Variants in FARS2 observed in about 807,000 individuals in gnomAD.
FARS2 encodes the protein phenylalanine--tRNA ligase, mitochondrial.
FARS2 carries 40 observed loss-of-function variants against 46.4 expected under a neutral mutation model. The observed-to-expected ratio is 0.86, with a 90% CI of 0.67 to 1.12. The LOEUF (loss-of-function observed/expected upper bound fraction) is 1.12. Among genes scored for constraint, FARS2 ranks in the 50% most tolerant of loss-of-function variants. FARS2 has a pLI of 0.00. For missense variants in FARS2, 513 were observed against 567.9 expected, an observed-to-expected ratio of 0.90 and a Z score of 0.98; for synonymous variants, 234 against 214.9, an observed-to-expected ratio of 1.09 and a Z score of -0.78.
At chr6:5,691,951 A>G (rs1044156372) in intron 6 of FARS2, among the ~76,000 whole-genome samples, 1 of 152,162 alleles carries the variant, frequency 6.6e-6, no homozygotes, top group Non-Finnish European at 1.5e-5. Flanking sequence ...TGTGCTAGCA[A>G]TGAGCGAGGC....
intron 1 of FARS2, among the ~76,000 whole-genome samples, chr6:5,286,405 G>A (rs1351212929): frequency 6.6e-6 from 1 of 152,178 alleles, no homozygotes; most frequent in Non-Finnish European, 1.5e-5. Context: ...TGGGACTACA[G>A]TTGCATGTCA....
chr6:5,251,147 T>C, the FARS2 span, among the ~76,000 whole-genome samples: 13 of 152,292 alleles, frequency 8.5e-5, no homozygotes, highest in Admixed American at 7.2e-4. Flanking sequence ...ATTCCACCTA[T>C]TACTAGGTTC....
chr6:5,306,642 C>T (rs1204857182), intron 1 of FARS2, among the ~76,000 whole-genome samples: 3 of 152,110 alleles, frequency 2.0e-5, no homozygotes, highest in Non-Finnish European at 2.9e-5. Context: ...CTTCACATTC[C>T]CAGTGTGTCC....
intron 3 of FARS2, among the ~76,000 whole-genome samples, chr6:5,419,980 G>A (rs944696761): frequency 2.0e-5 from 3 of 152,128 alleles, no homozygotes; most frequent in Admixed American, 6.5e-5. Flanking sequence ...AGACATACCC[G>A]AGACTGGAAA....
intron 2 of FARS2, among the ~76,000 whole-genome samples, chr6:5,404,245 G>A (rs1761423492): frequency 6.6e-6 from 1 of 152,174 alleles, no homozygotes; most frequent in Admixed American, 6.5e-5. Flanking sequence ...CTAGAATTGA[G>A]GATAATGTCT....
At chr6:5,407,181 C>T (rs2432772) in intron 3 of FARS2, among the ~76,000 whole-genome samples, 80,085 of 150,740 alleles carry the variant, frequency 0.53, 21,721 homozygotes, top group African/African-American at 0.64. Flanking sequence ...CATTTTAAAT[C>T]GTTGACAAAG....
In FARS2 at chr6:5,571,923, A is replaced by G. The variant is rs957055109; in HGVS notation, c.1065+26583A>G. Among the ~76,000 whole-genome samples the G allele has an allele frequency of 2.6e-5, 4 of 151,934 alleles. 1 individual carries two copies. The South Asian group carries it at 8.3e-4, about 32-fold the overall frequency. On this transcript the variant is annotated intron_variant, in intron 5 of 6. Transcript: ENST00000274680. ...TTCTTGTGCCATCAAGCCCAGACCAAACCCACAGTCACCTGTGTACACTGT... is the reference window on the plus strand; with the variant it reads ...TTCTTGTGCCATCAAGCCCAGACCAGACCCACAGTCACCTGTGTACACTGT...
At chr6:5,541,698 T>C (rs1770647577) in intron 4 of FARS2, among the ~76,000 whole-genome samples, 2 of 152,180 alleles carry the variant, frequency 1.3e-5, no homozygotes, top group East Asian at 1.9e-4. Context: ...TTGGATCTCG[T>C]GTGAAAAAGA....
At chr6:5,659,520 A>G (rs1777754736) in intron 6 of FARS2, among the ~76,000 whole-genome samples, 2 of 152,212 alleles carry the variant, frequency 1.3e-5, no homozygotes, top group Admixed American at 6.5e-5. Context: ...CCTTTGGTAT[A>G]TACTGTTTCA....
At chr6:5,506,379 T>C (rs1768098803) in intron 4 of FARS2, among the ~76,000 whole-genome samples, 1 of 152,218 alleles carries the variant, frequency 6.6e-6, no homozygotes, top group South Asian at 2.1e-4. Context: ...CCACTGTGAG[T>C]TGAAACTAAA....
At position 5,677,395 on chromosome 6, in the gene FARS2, C is replaced by T. The variant is rs1030718108; in HGVS notation, c.1217+64075C>T. Among the ~76,000 whole-genome samples, 5 of 152,194 alleles carry T rather than the reference C, an allele frequency of 3.3e-5. No individual in the cohort carries two copies. The South Asian group carries it at 6.2e-4, about 19-fold the overall frequency. The stretch of plus-strand genomic sequence containing the variant: ...GGTACAAATGCTCCTGCCTCTGCCT[C>T]GCCCCTTCACACTGTAATATTGGTT... On this transcript the variant is annotated intron_variant, in intron 6 of 6. Transcript: ENST00000274680.
At position 5,764,308 on chromosome 6, in the gene FARS2, C is replaced by T. The variant is rs1226137449; in HGVS notation, c.1218-6983C>T. ...AGTCTGGTTCTCCACTCCACCATGC[C>T]CATTCACTTCTATATTTTCAGGAGA... On this transcript the variant is annotated intron_variant, in intron 6 of 6. Coordinates refer to ENST00000274680, the MANE Select transcript of FARS2 (RefSeq NM_006567.5). The surrounding 1 kb of genome is among the most constrained non-coding windows in gnomAD (Gnocchi z 4.1). Among the ~76,000 whole-genome samples the T allele has an allele frequency of 6.6e-6, 1 of 152,062 alleles. No individual in the cohort carries two copies. The highest frequency in any genetic ancestry group is 1.5e-5 in the Non-Finnish European group (1 of 68,010).
intron 2 of FARS2, among the ~76,000 whole-genome samples, chr6:5,398,366 T>C (rs1761031822): frequency 6.6e-6 from 1 of 152,144 alleles, no homozygotes; most frequent in Non-Finnish European, 1.5e-5. Context: ...GAATATTTGG[T>C]TATTGTATGG....
At chr6:5,359,579 T>A (rs1758173308) in intron 1 of FARS2, among the ~76,000 whole-genome samples, 1 of 152,240 alleles carries the variant, frequency 6.6e-6, no homozygotes, top group South Asian at 2.1e-4. Context: ...AGTTGCCAAG[T>A]GCTTGTATAA....
chr6:5,559,436 T>C (rs1402652593), intron 5 of FARS2, among the ~76,000 whole-genome samples: 1 of 152,078 alleles, frequency 6.6e-6, no homozygotes, highest in Non-Finnish European at 1.5e-5. Flanking sequence ...GTAAAAACAT[T>C]AGAAATGCAG....
intron 5 of FARS2, among the ~76,000 whole-genome samples, chr6:5,553,515 A>G (rs1055294147): frequency 2.0e-5 from 3 of 152,226 alleles, no homozygotes; most frequent in Admixed American, 2.0e-4. Flanking sequence ...TGGCTCAATC[A>G]GGGCTTCCAG....
intron 2 of FARS2, among the ~76,000 whole-genome samples, chr6:5,384,375 T>C (rs1759985456): frequency 6.6e-6 from 1 of 152,224 alleles, no homozygotes; most frequent in South Asian, 2.1e-4. Context: ...TTGGCAGTAT[T>C]TTTGGGGAGG....
At chr6:5,526,494 G>A (rs768190432) in intron 4 of FARS2, among the ~76,000 whole-genome samples, 14 of 152,042 alleles carry the variant, frequency 9.2e-5, no homozygotes, top group Admixed American at 6.5e-4. Context: ...TCCTTTCCTG[G>A]TTAAAAAATT....
At chr6:5,427,652 T>C (rs1762927041) in intron 3 of FARS2, among the ~76,000 whole-genome samples, 1 of 152,204 alleles carries the variant, frequency 6.6e-6, no homozygotes, top group Admixed American at 6.5e-5. Flanking sequence ...AAATCGTTCG[T>C]GTTTATCATC....
Sources: allele counts gnomAD v4.1 joint callset (sites outside exome capture counted in the v4.1 genomes callset), GRCh38; gene constraint gnomAD v4.1.1; non-coding constraint Gnocchi (gnomAD v3.1); transcripts MANE v1.5; gene names NCBI Gene and HGNC (gene_info 2026-07-23, HGNC 2026-07-21).